CYP4Z1: variants seen among roughly 807,000 people sequenced by gnomAD.
CYP4Z1 encodes cytochrome P450 4Z1.
CYP4Z1 carries 41 observed loss-of-function variants against 54.2 expected under a neutral mutation model. The ratio of observed to expected loss-of-function variants is 0.76; its 90% confidence interval spans 0.59 to 0.98. CYP4Z1 has a LOEUF of 0.98. Among genes scored for constraint, CYP4Z1 ranks in the 50% least tolerant of loss-of-function variants. The pLI is 0.00. For synonymous variants in CYP4Z1, 163 were observed against 206.2 expected, an observed-to-expected ratio of 0.79 and a Z score of 1.79; for missense variants, 513 against 599.0, an observed-to-expected ratio of 0.86 and a Z score of 1.50.
In CYP4Z1 at chr1:47,067,682, T is replaced by C. The variant is rs751025533; in HGVS notation, c.177+15T>C. 1 of 1,583,894 alleles carries C rather than the reference T, an allele frequency of 6.3e-7. No individual in the cohort carries two copies. Among genetic ancestry groups the C allele is most frequent in the Non-Finnish European group, 8.6e-7 (1 of 1,161,266 alleles). On this transcript the variant is annotated intron_variant, in intron 1 of 11. Transcript: ENST00000334194. Reference sequence around the variant, plus strand: ...GCCACAAGGAGGTAAGAGGAGAAAATTAGTTGGGGAGGTTAAGGGACAGAA... The same window carrying C: ...GCCACAAGGAGGTAAGAGGAGAAAACTAGTTGGGGAGGTTAAGGGACAGAA...
rs1644469789 is a variant in CYP4Z1 at position 47,068,710 on chromosome 1, T to G, written c.266T>G (p.Met89Arg). 1.9e-6 allele frequency: 3 copies of G among 1,614,008 alleles called. No homozygotes were observed. Among genetic ancestry groups the G allele is most frequent in the Non-Finnish European group, 2.5e-6 (3 of 1,180,020 alleles). The change falls in exon 2 of 12, where the codon ATG (methionine) becomes AGG (arginine). Residue 89 changes from methionine to arginine, a missense_variant. Coordinates refer to ENST00000334194, the MANE Select transcript of CYP4Z1 (RefSeq NM_178134.3). Reference protein sequence around the residue: ...AVPLWVGPFTMFFSVHDPDYA... With the variant: ...AVPLWVGPFTRFFSVHDPDYA... ...CCCTTGTGGGTTGGACCCTTTACGA[T>G]GTTCTTCAGTGTCCATGACCCAGAC...
Position 47,068,697 on chromosome 1 carries a change from G to T in CYP4Z1, c.253G>T (p.Gly85Ter), listed in dbSNP as rs1311229506. The T allele has an allele frequency of 5.0e-6, 8 of 1,614,118 alleles. No homozygotes were observed. The South Asian group carries it at 8.8e-5, about 18-fold the overall frequency. ...KYPCAVPLWVGPFTMFFSVHD... is the reference protein window; with the variant it reads ...KYPCAVPLWV ...CCCATGTGCTGTTCCCTTGTGGGTT[G>T]GACCCTTTACGATGTTCTTCAGTGT... Residue 85 changes from glycine to a stop codon, truncating the protein, a stop_gained, in exon 2 of 12, where the codon GGA becomes TGA. Coordinates refer to ENST00000334194, the MANE Select transcript of CYP4Z1 (RefSeq NM_178134.3). LOFTEE classifies it high-confidence loss of function.
At chr1:47,115,440 G>A in intron 9 of CYP4Z1, 89 bp from the exon 10 acceptor site, 1 of 1,209,960 alleles carries the variant, frequency 8.3e-7, no homozygotes, top group Non-Finnish European at 1.2e-6. Context: ...AAAACTTAAA[G>A]TATAATTTTA....
chr1:47,090,162 G>A (rs1644628955), intron 6 of CYP4Z1, among the ~76,000 whole-genome samples: 1 of 152,166 alleles, frequency 6.6e-6, no homozygotes, highest in Non-Finnish European at 1.5e-5. Context: ...ATAGCTTAAA[G>A]TGGATTATAT....
rs1644457174 is a variant in CYP4Z1 at position 47,067,370 on chromosome 1, A to C, written c.-121A>C. 4.9e-6 allele frequency: 4 copies of C among 823,186 alleles called. No homozygotes were observed. The South Asian group carries it at 1.0e-4, about 21-fold the overall frequency. The allele number at this position is 823,186 out of a possible 1,614,324, so 51.0% of individuals were successfully genotyped here. On this transcript the variant is annotated 5_prime_UTR_variant, in exon 1 of 12. The change abolishes the stop of an existing upstream ORF in the 5' untranslated region. Transcript: ENST00000334194. ...TCCTCTTCCTTATGTCCCCTCCCTGAATATGGCATTTTGAAAGCCCAGTGT... is the reference window on the plus strand; with the variant it reads ...TCCTCTTCCTTATGTCCCCTCCCTGCATATGGCATTTTGAAAGCCCAGTGT...
chr1:47,072,899 C>T (rs150292670), intron 2 of CYP4Z1, among the ~76,000 whole-genome samples: 5,077 of 151,098 alleles, frequency 0.034, 54 homozygotes, highest in East Asian at 0.089. Context: ...CTCTTCCTCA[C>T]CCCTAGAAAT....
upstream of CYP4Z1, among the ~76,000 whole-genome samples, chr1:47,063,007 G>A (rs1311523137): frequency 3.9e-5 from 6 of 152,164 alleles, no homozygotes; most frequent in Non-Finnish European, 8.8e-5. Flanking sequence ...TACCTCCACT[G>A]GAGCAGGCAC....
At chr1:47,065,444 A>C (rs978258836), upstream of CYP4Z1, among the ~76,000 whole-genome samples, 20 of 152,172 alleles carry the variant, frequency 1.3e-4, no homozygotes, top group Non-Finnish European at 2.8e-4. Flanking sequence ...TGGGGTCAAC[A>C]ATGAAATCAA....
At chr1:47,102,086 T>A (rs905979432) in intron 8 of CYP4Z1, among the ~76,000 whole-genome samples, 2 of 152,234 alleles carry the variant, frequency 1.3e-5, no homozygotes, top group African/African-American at 4.8e-5. Flanking sequence ...CATTTTTGGT[T>A]TCTGTTTGCA....
At chr1:47,103,564 C>T (rs1277386786) in intron 8 of CYP4Z1, among the ~76,000 whole-genome samples, 1 of 141,820 alleles carries the variant, frequency 7.1e-6, no homozygotes, top group East Asian at 2.0e-4. Flanking sequence ...TCTCTTGTAT[C>T]TCACCTTCTT....
At chr1:47,063,171 A>G (rs962211492), upstream of CYP4Z1, among the ~76,000 whole-genome samples, 1 of 151,978 alleles carries the variant, frequency 6.6e-6, no homozygotes, top group African/African-American at 2.4e-5. Context: ...AGGAAGCCCC[A>G]CTCCTAGGGG....
intron 2 of CYP4Z1, among the ~76,000 whole-genome samples, chr1:47,070,129 T>C (rs1644481160): frequency 9.1e-6 from 1 of 110,224 alleles, no homozygotes; most frequent in Non-Finnish European, 1.7e-5. Context: ...TTATTATTTC[T>C]GGCCAGACCC....
At position 47,099,074 on chromosome 1, in the gene CYP4Z1, A is replaced by G; in HGVS notation, c.877-20A>G. 6.2e-7 allele frequency: 1 copy of G among 1,613,854 alleles called. No homozygotes were observed. The highest frequency in any genetic ancestry group is 2.2e-5 in the East Asian group (1 of 44,872). ...AATCCATAGCCAGCTTTGGATAAAG[A>G]TCATCACTGTATTTTTTAGAGCGAA... On this transcript the variant is annotated intron_variant, in intron 7 of 11. Transcript: ENST00000334194.
chr1:47,118,027 T>C lies in CYP4Z1; in HGVS notation c.*93T>C. The C allele has an allele frequency of 8.0e-7, 1 of 1,245,216 alleles. No individual in the cohort carries two copies. Among genetic ancestry groups the C allele is most frequent in the Non-Finnish European group, 1.1e-6 (1 of 918,020 alleles). 77.1% of individuals were successfully genotyped at this position (1,245,216 alleles called of 1,614,324 possible). On this transcript the variant is annotated 3_prime_UTR_variant, in exon 12 of 12. Coordinates refer to ENST00000334194, the MANE Select transcript of CYP4Z1 (RefSeq NM_178134.3). ...TATAATACAAAATATATGTATATGG[T>C]TGTTTGACAAATTATATAACTTAGG...
chr1:47,089,694 C>T (rs1391101967), intron 6 of CYP4Z1, among the ~76,000 whole-genome samples: 1 of 152,050 alleles, frequency 6.6e-6, no homozygotes, highest in Non-Finnish European at 1.5e-5. Context: ...TAGAAGCAAT[C>T]AAACTCCAAA....
intron 7 of CYP4Z1, among the ~76,000 whole-genome samples, chr1:47,097,403 T>C (rs1557629869): frequency 6.6e-6 from 1 of 152,248 alleles, no homozygotes; most frequent in Non-Finnish European, 1.5e-5. Flanking sequence ...GCCTATGTCC[T>C]GAATGGTATT....
intron 3 of CYP4Z1, among the ~76,000 whole-genome samples, chr1:47,082,108 A>T (rs985070237): frequency 9.9e-5 from 15 of 151,666 alleles, no homozygotes; most frequent in Non-Finnish European, 1.5e-5. Context: ...CTGACCATCA[A>T]ATAGGATAGG....
At chr1:47,079,371 G>A (rs548778655) in intron 2 of CYP4Z1, among the ~76,000 whole-genome samples, 34 of 152,204 alleles carry the variant, frequency 2.2e-4, no homozygotes, top group African/African-American at 6.7e-4. Flanking sequence ...TGCTAAAGTT[G>A]ACTATAACAG....
At chr1:47,092,022 G>A (rs1199060909) in intron 6 of CYP4Z1, among the ~76,000 whole-genome samples, 3 of 152,026 alleles carry the variant, frequency 2.0e-5, no homozygotes, top group Admixed American at 6.6e-5. Context: ...TTGAGCCACT[G>A]GAGTCGGCAT....
Sources: allele counts gnomAD v4.1 joint callset (sites outside exome capture counted in the v4.1 genomes callset), GRCh38; gene constraint gnomAD v4.1.1; transcripts MANE v1.5; gene names NCBI Gene and HGNC (gene_info 2026-07-23, HGNC 2026-07-21).